The following TMEM132D variants were observed in gnomAD, a reference collection of about 807,000 sequenced individuals.
TMEM132D encodes transmembrane protein 132D.
In TMEM132D, 21 loss-of-function variants were observed where a neutral mutation model predicts 62.3. The ratio of observed to expected loss-of-function variants is 0.34; its 90% confidence interval spans 0.24 to 0.49. The LOEUF is 0.49. TMEM132D is among the 20% of genes least tolerant of loss of function. The pLI, the probability that TMEM132D is intolerant of heterozygous loss-of-function variation, is 0.99. For missense variants in TMEM132D, 1,346 were observed against 1,402.8 expected (o/e 0.96, Z 0.65); for synonymous variants, 621 against 575.6 (o/e 1.08, Z -1.13).
intron 1 of TMEM132D, among the ~76,000 whole-genome samples, chr12:129,728,206 T>C (rs770790519): frequency 6.6e-6 from 1 of 152,128 alleles, no homozygotes; most frequent in Non-Finnish European, 1.5e-5. Flanking sequence ...AAGAATGCAA[T>C]AGGATAATAA....
chr12:129,686,069 T>A (rs988437831), intron 2 of TMEM132D, among the ~76,000 whole-genome samples: 1 of 152,192 alleles, frequency 6.6e-6, no homozygotes, highest in Non-Finnish European at 1.5e-5. Flanking sequence ...TTTTCTCAGA[T>A]GAAACTTTGA....
chr12:129,402,070 G>A (rs1407269080), intron 3 of TMEM132D, among the ~76,000 whole-genome samples: 2 of 152,172 alleles, frequency 1.3e-5, no homozygotes, highest in African/African-American at 2.4e-5. Context: ...GCTCTCCAAA[G>A]GCAAGAAGTG....
At chr12:129,877,614 C>CAT (rs386378245) in intron 1 of TMEM132D, among the ~76,000 whole-genome samples, 1 of 13,042 alleles carries the variant, frequency 7.7e-5, no homozygotes, top group Non-Finnish European at 7.4e-4. Flanking sequence ...CGCGCGCGCG[C>CAT]ACACACACAC....
intron 2 of TMEM132D, among the ~76,000 whole-genome samples, chr12:129,557,054 A>T (rs1239076300): frequency 6.6e-6 from 1 of 152,234 alleles, no homozygotes; most frequent in Non-Finnish European, 1.5e-5. Flanking sequence ...TCTAAATACC[A>T]TGGTGATTTG....
At chr12:129,410,650 C>T (rs999450937) in intron 3 of TMEM132D, among the ~76,000 whole-genome samples, 1 of 152,128 alleles carries the variant, frequency 6.6e-6, no homozygotes, top group Admixed American at 6.5e-5. Flanking sequence ...GAGCCACCAC[C>T]GTGCCTGGCC....
chr12:129,367,864 C>T (rs920758589), intron 3 of TMEM132D, among the ~76,000 whole-genome samples: 1 of 149,308 alleles, frequency 6.7e-6, no homozygotes, highest in African/African-American at 2.5e-5. Flanking sequence ...TGGCTCACTG[C>T]AATCACCACC....
At chr12:129,587,385 A>G (rs1878060121) in intron 2 of TMEM132D, among the ~76,000 whole-genome samples, 1 of 152,180 alleles carries the variant, frequency 6.6e-6, no homozygotes, top group Non-Finnish European at 1.5e-5. Context: ...CACTGGGCCT[A>G]TGTGAGGGTG....
intron 5 of TMEM132D, among the ~76,000 whole-genome samples, chr12:129,206,437 G>T (rs1593295712): frequency 6.6e-6 from 1 of 152,120 alleles, no homozygotes; most frequent in African/African-American, 2.4e-5. Flanking sequence ...CCTATTATTA[G>T]AAAGTCAAAA....
intron 1 of TMEM132D, among the ~76,000 whole-genome samples, chr12:129,830,639 C>CA (rs1452741559): frequency 2.0e-5 from 3 of 152,068 alleles, no homozygotes; most frequent in Admixed American, 2.0e-4. Flanking sequence ...AGCTGGGCCC[C>CA]AACCACCTTG....
chr12:129,530,032 G>T (rs1010062350), intron 3 of TMEM132D, among the ~76,000 whole-genome samples: 3 of 151,910 alleles, frequency 2.0e-5, no homozygotes, highest in African/African-American at 7.3e-5. Flanking sequence ...AAATCTTCAA[G>T]AATAAAAAGG....
At chr12:129,213,079 T>C (rs1879100233) in intron 4 of TMEM132D, among the ~76,000 whole-genome samples, 1 of 152,208 alleles carries the variant, frequency 6.6e-6, no homozygotes, top group Admixed American at 6.5e-5. Flanking sequence ...TACTAACAAG[T>C]TGTGTAGATT....
chr12:129,897,836 C>T (rs1439543068), intron 1 of TMEM132D, among the ~76,000 whole-genome samples: 2 of 152,216 alleles, frequency 1.3e-5, no homozygotes, highest in African/African-American at 2.4e-5. Context: ...GACCTCTCTG[C>T]ACTCAGCCCC....
chr12:129,174,614 A>C (rs556966330), intron 5 of TMEM132D, among the ~76,000 whole-genome samples: 1 of 152,304 alleles, frequency 6.6e-6, no homozygotes, highest in East Asian at 1.9e-4. Flanking sequence ...TTGCTGGGTC[A>C]AATGGCATCT....
chr12:129,518,277 A>G (rs1875740605), intron 3 of TMEM132D, among the ~76,000 whole-genome samples: 1 of 152,168 alleles, frequency 6.6e-6, no homozygotes, highest in Non-Finnish European at 1.5e-5. Flanking sequence ...ATTGCAGTAG[A>G]TTTGGCAAGT....
chr12:129,892,003 AT>A (rs1336839163), intron 1 of TMEM132D, among the ~76,000 whole-genome samples: 1 of 152,248 alleles, frequency 6.6e-6, no homozygotes. Context: ...CTCACAAAAA[AT>A]AAATGCAATG....
intron 3 of TMEM132D, among the ~76,000 whole-genome samples, chr12:129,519,807 C>T (rs934983432): frequency 1.3e-5 from 2 of 152,004 alleles, no homozygotes; most frequent in Non-Finnish European, 2.9e-5. Context: ...CAGGGTTTTA[C>T]CATGTTGGCC....
chr12:129,237,359 T>C (rs1481317870), intron 4 of TMEM132D, among the ~76,000 whole-genome samples: 1 of 152,220 alleles, frequency 6.6e-6, no homozygotes, highest in Non-Finnish European at 1.5e-5. Flanking sequence ...AAAAAATTGA[T>C]ATTGAGTTAA....
At chr12:129,480,741 C>A (rs188487788) in intron 3 of TMEM132D, among the ~76,000 whole-genome samples, 9 of 152,102 alleles carry the variant, frequency 5.9e-5, no homozygotes, top group African/African-American at 2.2e-4. Context: ...TTGGCAAGAA[C>A]GTAGAGAAAC....
chr12:129,839,234 A>G, intron 1 of TMEM132D, among the ~76,000 whole-genome samples: 1 of 146,798 alleles, frequency 6.8e-6, no homozygotes, highest in African/African-American at 2.5e-5. Flanking sequence ...GTTTCAAGCA[A>G]TTCTTCTGCC....
Sources: allele counts gnomAD v4.1 joint callset (sites outside exome capture counted in the v4.1 genomes callset), GRCh38; gene constraint gnomAD v4.1.1; transcripts MANE v1.5; gene names NCBI Gene and HGNC (gene_info 2026-07-23, HGNC 2026-07-21).